The following PXDC1 variants were observed in gnomAD, a reference collection of about 807,000 sequenced individuals.
The protein encoded by PXDC1 is PX domain containing 1.
In PXDC1, 13 loss-of-function variants were observed where a neutral mutation model predicts 24.4. The observed-to-expected ratio is 0.53, with a 90% CI of 0.35 to 0.85. The LOEUF is 0.85. Among genes scored for constraint, PXDC1 ranks in the 40% least tolerant of loss-of-function variants. The probability of loss-of-function intolerance (pLI) is 0.01; values close to 1 mark genes in which losing one functional copy is unlikely to be tolerated. For synonymous variants in PXDC1, 162 were observed against 124.9 expected (o/e 1.30, Z -1.98); for missense variants, 344 against 309.3 (o/e 1.11, Z -0.84).
At position 3,751,394 on chromosome 6, in the gene PXDC1, C is replaced by T. The variant is rs149373930; in HGVS notation, c.138G>A (p.Ser46=). The T allele has an allele frequency of 1.3e-6, 2 of 1,571,336 alleles. No homozygotes were observed. The highest frequency in any genetic ancestry group is 2.7e-5 in the African/African-American group (2 of 73,808). The change falls in exon 1 of 5, where the codon TCG becomes TCA. Residue 46 remains serine (S), a synonymous_variant. Coordinates refer to ENST00000380283, the MANE Select transcript of PXDC1 (RefSeq NM_183373.4). ...GGTGCAGGTAGAGCACGCTGCGGTC[C>T]GACCACTCCGTGCGGATCTCGAAGA... ...EEFFEIRTEW[S]DRSVLYLHRS...
At chr6:3,730,618 C>T (rs970709231) in intron 3 of PXDC1, among the ~76,000 whole-genome samples, 2 of 152,202 alleles carry the variant, frequency 1.3e-5, no homozygotes, top group African/African-American at 4.8e-5. Flanking sequence ...GCCTGTGCCC[C>T]GTTTCAACCA....
chr6:3,726,700 C>CT (rs1760076113), intron 4 of PXDC1, among the ~76,000 whole-genome samples: 3 of 152,238 alleles, frequency 2.0e-5, no homozygotes, highest in African/African-American at 4.8e-5. Context: ...CAATCTGCTG[C>CT]TATGGAGGGC....
intron 3 of PXDC1, among the ~76,000 whole-genome samples, chr6:3,731,366 G>T (rs1332313091): frequency 1.3e-5 from 2 of 152,194 alleles, no homozygotes; most frequent in Non-Finnish European, 2.9e-5. Flanking sequence ...AAAAATTATA[G>T]CATCTGAGCC....
intron 3 of PXDC1, among the ~76,000 whole-genome samples, chr6:3,729,280 C>T (rs1260085260): frequency 6.6e-6 from 1 of 152,146 alleles, no homozygotes; most frequent in African/African-American, 2.4e-5. Context: ...GAACTGCTTT[C>T]CATACGAAGA....
intron 3 of PXDC1, among the ~76,000 whole-genome samples, chr6:3,733,739 G>A (rs1360999991): frequency 1.3e-5 from 2 of 152,148 alleles, no homozygotes; most frequent in African/African-American, 4.8e-5. Context: ...CAGACTCCAT[G>A]GTTACGCAGC....
chr6:3,749,849 T>G (rs1446580009), intron 1 of PXDC1, among the ~76,000 whole-genome samples: 2 of 152,230 alleles, frequency 1.3e-5, no homozygotes, highest in Non-Finnish European at 2.9e-5. Flanking sequence ...GCTCAGGGAC[T>G]CCAGTGTATT....
chr6:3,738,123 G>A lies in PXDC1; in HGVS notation c.282C>T (p.His94=), dbSNP rs555874144. The stretch of plus-strand genomic sequence containing the variant: ...CCTCATTAAGCCTGGTCTCTATGTC[G>A]TGGGCTTCCTTTATGGCAACCAGTC... The part of the protein sequence containing the change: ...RQGLVAIKEA[H]DIETRLNEVE... The change falls in exon 2 of 5, where the codon CAC becomes CAT. Residue 94 remains histidine (H), a synonymous_variant. Transcript: ENST00000380283. The A allele has an allele frequency of 2.3e-5, 37 of 1,613,944 alleles. No homozygotes were observed. Among genetic ancestry groups the A allele is most frequent in the African/African-American group, 9.3e-5 (7 of 75,008 alleles).
At chr6:3,749,100 C>A (rs533318335) in intron 1 of PXDC1, among the ~76,000 whole-genome samples, 1 of 152,232 alleles carries the variant, frequency 6.6e-6, no homozygotes, top group South Asian at 2.1e-4. Context: ...TCAGGTGGTG[C>A]TGGGCAGGGA....
At chr6:3,733,050 A>C (rs1760237856) in intron 3 of PXDC1, among the ~76,000 whole-genome samples, 2 of 152,206 alleles carry the variant, frequency 1.3e-5, no homozygotes, top group Non-Finnish European at 2.9e-5. Context: ...TGACAACATC[A>C]AAAGGCTAGC....
chr6:3,728,925 T>C lies in PXDC1; in HGVS notation c.467-1263A>G, dbSNP rs1270461608. Among the ~76,000 whole-genome samples, 1 of 152,204 alleles carries C rather than the reference T, an allele frequency of 6.6e-6. No homozygotes were observed. Among genetic ancestry groups the C allele is most frequent in the East Asian group, 1.9e-4 (1 of 5,196 alleles). On this transcript the variant is annotated intron_variant, in intron 3 of 4. Transcript: ENST00000380283. The surrounding 1 kb of genome is among the most constrained non-coding windows in gnomAD (Gnocchi z 4.0). ...AGCTCTAAGACCAGGACCACCTTCA[T>C]CTGTTCTTTCGACTCAGAACCTCTA... is the stretch of plus-strand genomic sequence containing the variant.
In PXDC1 at chr6:3,743,469, T is replaced by C. The variant is rs530550016; in HGVS notation, c.257-5321A>G. Among the ~76,000 whole-genome samples the C allele has an allele frequency of 9.5e-4, 145 of 152,294 alleles. 3 individuals carry two copies. The South Asian group carries it at 0.029, about 31-fold the overall frequency. On this transcript the variant is annotated intron_variant, in intron 1 of 4. Coordinates refer to ENST00000380283, the MANE Select transcript of PXDC1 (RefSeq NM_183373.4). Reference sequence around the variant, plus strand: ...GTGAAGGGGGGAACGCAGCCTCATCTTGTATGCTGCACGGGAGACACACAT... The same window carrying C: ...GTGAAGGGGGGAACGCAGCCTCATCCTGTATGCTGCACGGGAGACACACAT...
At chr6:3,739,227 C>T in intron 1 of PXDC1, 1 of 896,072 alleles carries the variant, frequency 1.1e-6, no homozygotes, top group South Asian at 3.0e-5. Context: ...CCAGAGCATA[C>T]AGTCCATGAA....
intron 4 of PXDC1, among the ~76,000 whole-genome samples, chr6:3,727,231 T>C (rs1011321027): frequency 2.0e-5 from 3 of 152,236 alleles, no homozygotes; most frequent in African/African-American, 4.8e-5. Flanking sequence ...ATCAGGACCA[T>C]TGAGTGTGAG....
chr6:3,730,831 A>C (rs1393878833), intron 3 of PXDC1, among the ~76,000 whole-genome samples: 1 of 152,262 alleles, frequency 6.6e-6, no homozygotes, highest in Non-Finnish European at 1.5e-5. Flanking sequence ...GGCGTGTCTC[A>C]GTGTGGAATG....
rs1175060085 is a variant in PXDC1, at chr6:3,724,917, G to T, written c.579-1181C>A. On this transcript the variant is annotated intron_variant, in intron 4 of 4. Coordinates refer to ENST00000380283, the MANE Select transcript of PXDC1 (RefSeq NM_183373.4). The surrounding 1 kb of genome is among the most constrained non-coding windows in gnomAD (Gnocchi z 4.5). ...AAGAAAGGCTGAGGCTGCAGAGGAA[G>T]GCCTCCCCTCTGACTCCATGGCCAG... 6.6e-6 allele frequency among the ~76,000 whole-genome samples: 1 copy of T among 152,068 alleles called. No homozygotes were observed. The highest frequency in any genetic ancestry group is 3.2e-3 in the Middle Eastern group (1 of 316).
rs1179327308 is a variant in PXDC1 at position 3,751,354 on chromosome 6, G to A, written c.178C>T (p.Leu60=). Residue 60 remains leucine, a synonymous_variant, in exon 1 of 5, where the codon CTG becomes TTG. Transcript: ENST00000380283. ...CGCAGGCGCTGCCACAGGCGGCCCAGGTCCGCCAGGCTGCGGTGCAGGTAG... is the reference window on the plus strand; with the variant it reads ...CGCAGGCGCTGCCACAGGCGGCCCAAGTCCGCCAGGCTGCGGTGCAGGTAG... ...VLYLHRSLAD[L]GRLWQRLRDA... is the part of the protein sequence containing the mutation. 4 of 1,557,502 alleles carry A rather than the reference G, an allele frequency of 2.6e-6. No homozygotes were observed. Among genetic ancestry groups the A allele is most frequent in the Admixed American group, 3.8e-5 (2 of 52,612 alleles).
intron 4 of PXDC1, among the ~76,000 whole-genome samples, chr6:3,726,461 G>T (rs1760068845): frequency 6.6e-6 from 1 of 152,242 alleles, no homozygotes; most frequent in Non-Finnish European, 1.5e-5. Flanking sequence ...CCTCTACTGG[G>T]AAGGATTCTC....
In PXDC1 at chr6:3,727,625, G is replaced by A. The variant is rs138093421; in HGVS notation, c.504C>T (p.Thr168=). 9.9e-6 allele frequency: 16 copies of A among 1,613,620 alleles called. No individual in the cohort carries two copies. Among genetic ancestry groups the A allele is most frequent in the Admixed American group, 8.3e-5 (5 of 59,980 alleles). ...TACTGTGGTCAATAACTATTGTTTC[G>A]GTATTTGCTAAACAAAATCCATTGG... is the stretch of plus-strand genomic sequence containing the variant. ...MRSNGFCLAN[T]ETIVIDHSIP... Residue 168 remains threonine (T), a synonymous_variant, in exon 4 of 5, where the codon ACC becomes ACT. Transcript: ENST00000380283.
chr6:3,744,586 C>T (rs1439314621), intron 1 of PXDC1, among the ~76,000 whole-genome samples: 5 of 152,186 alleles, frequency 3.3e-5, no homozygotes, highest in African/African-American at 7.2e-5. Flanking sequence ...AAAGGACAAG[C>T]GTGGTCTCAC....
Sources: gnomAD v4.1 joint callset for allele counts (sites outside exome capture counted in the v4.1 genomes callset) on GRCh38, gnomAD v4.1.1 for gene constraint, Gnocchi (gnomAD v3.1) non-coding constraint, MANE v1.5 for transcripts, NCBI Gene and HGNC (gene_info 2026-07-23, HGNC 2026-07-21) for gene names.